NECAB1: variants seen among roughly 807,000 people sequenced by gnomAD.
NECAB1 encodes the protein N-terminal EF-hand calcium binding protein 1, also known as N-terminal EF-hand calcium-binding protein 1.
Under a neutral mutation model 57.5 loss-of-function variants are expected in NECAB1, and 29 were observed. That is an observed-to-expected ratio of 0.50 (90% CI 0.38 to 0.69). The LOEUF is 0.69. Among genes scored for constraint, NECAB1 ranks in the 30% least tolerant of loss-of-function variants. The pLI, the probability that NECAB1 is intolerant of heterozygous loss-of-function variation, is 0.00. For missense variants in NECAB1, 372 were observed against 413.8 expected (o/e 0.90, Z 0.88); for synonymous variants, 142 against 147.7 (o/e 0.96, Z 0.28).
intron 3 of NECAB1, among the ~76,000 whole-genome samples, chr8:90,828,056 C>CT (rs1812250774): frequency 6.6e-6 from 1 of 151,500 alleles, no homozygotes; most frequent in African/African-American, 2.4e-5. Flanking sequence ...GTTTTAGTCA[C>CT]TTATTTCTTT....
At chr8:90,816,682 A>G (rs1812066069) in intron 2 of NECAB1, among the ~76,000 whole-genome samples, 1 of 151,722 alleles carries the variant, frequency 6.6e-6, no homozygotes, top group African/African-American at 2.4e-5. Context: ...TGATCAGTTT[A>G]TTTATGCATG....
At chr8:90,885,696 AT>A (rs977066786) in intron 5 of NECAB1, among the ~76,000 whole-genome samples, 2 of 151,758 alleles carry the variant, frequency 1.3e-5, no homozygotes, top group Non-Finnish European at 2.9e-5. Flanking sequence ...TTCTCGTTTA[AT>A]TTTTTTTTAT....
intron 3 of NECAB1, among the ~76,000 whole-genome samples, chr8:90,870,949 T>C (rs912923184): frequency 2.0e-5 from 3 of 152,238 alleles, no homozygotes; most frequent in Non-Finnish European, 1.5e-5. Context: ...GTTATGAAGA[T>C]ATAATTTATC....
At chr8:90,813,703 T>A (rs1812010384) in intron 2 of NECAB1, among the ~76,000 whole-genome samples, 1 of 152,010 alleles carries the variant, frequency 6.6e-6, no homozygotes, top group African/African-American at 2.4e-5. Context: ...ATTTTTAAAT[T>A]TTTTTTGTAG....
In NECAB1 at chr8:90,922,906, A is replaced by G. The variant is rs186417044; in HGVS notation, c.495-2629A>G. ...CTCTCTAAACCCTTCAAAACATGAC[A>G]TAAAAGTACCTGGATAAAAGGAGGC... On this transcript the variant is annotated intron_variant, in intron 6 of 12. Coordinates refer to ENST00000417640, the MANE Select transcript of NECAB1 (RefSeq NM_022351.5). Among the ~76,000 whole-genome samples the G allele has an allele frequency of 1.2e-4, 18 of 152,324 alleles. No homozygotes were observed. The East Asian group carries it at 3.1e-3, about 26-fold the overall frequency.
intron 3 of NECAB1, among the ~76,000 whole-genome samples, chr8:90,855,200 G>C (rs1812771972): frequency 6.6e-6 from 1 of 152,148 alleles, no homozygotes; most frequent in Non-Finnish European, 1.5e-5. Flanking sequence ...CTGCTCAAAA[G>C]TCTTCCTGAT....
At chr8:90,792,575 C>A (rs1811594376) in intron 1 of NECAB1, among the ~76,000 whole-genome samples, 1 of 152,062 alleles carries the variant, frequency 6.6e-6, no homozygotes, top group African/African-American at 2.4e-5. Context: ...TGATATTCTC[C>A]TTCTCTCCAA....
At chr8:90,953,754 T>C (rs919321895) in intron 12 of NECAB1, among the ~76,000 whole-genome samples, 5 of 152,246 alleles carry the variant, frequency 3.3e-5, no homozygotes, top group Non-Finnish European at 5.9e-5. Context: ...TTTTGTGTTA[T>C]AATGGTTATG....
intron 5 of NECAB1, among the ~76,000 whole-genome samples, chr8:90,889,960 A>AGTGTGT (rs35492530): frequency 1.3e-5 from 2 of 151,168 alleles, no homozygotes; most frequent in African/African-American, 4.9e-5. Context: ...TGTGTGTGTG[A>AGTGTGT]GTGTGTGTGT....
intron 5 of NECAB1, among the ~76,000 whole-genome samples, chr8:90,903,443 A>G (rs1354674301): frequency 2.6e-5 from 4 of 152,200 alleles, no homozygotes; most frequent in Non-Finnish European, 1.5e-5. Context: ...GTTTGTTATA[A>G]TAAAAGTCAG....
intron 3 of NECAB1, among the ~76,000 whole-genome samples, chr8:90,870,199 G>A (rs1019790459): frequency 5.9e-5 from 9 of 152,054 alleles, no homozygotes; most frequent in Non-Finnish European, 1.0e-4. Context: ...ATCATGAACC[G>A]ATTAAACCTC....
intron 10 of NECAB1, among the ~76,000 whole-genome samples, chr8:90,947,110 A>G (rs1005393825): frequency 1.3e-5 from 2 of 152,120 alleles, no homozygotes; most frequent in Non-Finnish European, 2.9e-5. Flanking sequence ...TTATATTATT[A>G]GCTTGCTGCT....
chr8:90,849,775 G>A (rs1475656811), intron 3 of NECAB1, among the ~76,000 whole-genome samples: 1 of 137,936 alleles, frequency 7.2e-6, no homozygotes, highest in Non-Finnish European at 1.5e-5. Context: ...CTCACCGCAA[G>A]CTCTGCCTTC....
In NECAB1 at chr8:90,917,936, A is replaced by G. The variant is rs60110296; in HGVS notation, c.494+308A>G. 7.7e-5 allele frequency among the ~76,000 whole-genome samples: 9 copies of G among 116,752 alleles called. No individual in the cohort carries two copies. In the South Asian group the frequency reaches 1.9e-3, roughly 24 times the overall value. The allele number at this position is 116,752 out of a possible 152,430, so 76.6% of individuals were successfully genotyped here. A position where few individuals can be genotyped will look rare whatever the true frequency, so the allele number is the denominator to read the frequency against. On this transcript the variant is annotated intron_variant, in intron 6 of 12. Coordinates refer to ENST00000417640, the MANE Select transcript of NECAB1 (RefSeq NM_022351.5). ...TATACACACACACACATATATGTGT[A>G]TGTGTGTATATATATACACACACAC...
chr8:90,913,412 C>T (rs1347969289), intron 5 of NECAB1, among the ~76,000 whole-genome samples: 6 of 151,678 alleles, frequency 4.0e-5, no homozygotes, highest in African/African-American at 7.3e-5. Context: ...AGAAGTATAA[C>T]GTTAACTTTT....
chr8:90,927,608 G>GAT, intron 7 of NECAB1, among the ~76,000 whole-genome samples: 1 of 104,232 alleles, frequency 9.6e-6, no homozygotes, highest in Non-Finnish European at 1.8e-5. Context: ...CTTGGTGCTA[G>GAT]ATACACACAC....
chr8:90,865,647 C>T (rs959215480), intron 3 of NECAB1, among the ~76,000 whole-genome samples: 16 of 152,178 alleles, frequency 1.1e-4, no homozygotes, highest in African/African-American at 3.9e-4. Context: ...ATGGCTTTCT[C>T]AGCTCACTGC....
intron 3 of NECAB1, among the ~76,000 whole-genome samples, chr8:90,844,568 C>T (rs1812521305): frequency 6.6e-6 from 1 of 152,154 alleles, no homozygotes; most frequent in Non-Finnish European, 1.5e-5. Context: ...CCCTACTGTC[C>T]TTATGTCTAA....
At chr8:90,799,521 CA>C (rs1202323956) in intron 1 of NECAB1, among the ~76,000 whole-genome samples, 11 of 152,164 alleles carry the variant, frequency 7.2e-5, no homozygotes, top group African/African-American at 2.7e-4. Flanking sequence ...CATTCTTCTG[CA>C]TATGACCTAC....
Sources: gnomAD v4.1 joint callset for allele counts (sites outside exome capture counted in the v4.1 genomes callset) on GRCh38, gnomAD v4.1.1 for gene constraint, MANE v1.5 for transcripts, NCBI Gene and HGNC (gene_info 2026-07-23, HGNC 2026-07-21) for gene names.